Variants in CFAP299 observed in about 807,000 individuals in gnomAD.
The protein encoded by CFAP299 is cilia and flagella associated protein 299, also known as cilia- and flagella-associated protein 299.
A neutral mutation model predicts 27.0 loss-of-function variants in CFAP299; 21 were observed. The ratio of observed to expected loss-of-function variants is 0.78; its 90% CI spans 0.55 to 1.12. The LOEUF (loss-of-function observed/expected upper bound fraction) is 1.12, where lower values mean the gene tolerates loss of function less well. CFAP299 is among the 50% of genes most tolerant of loss of function. The probability of loss-of-function intolerance (pLI) is 0.00; values close to 1 mark genes in which losing one functional copy is unlikely to be tolerated. For synonymous variants in CFAP299, 104 were observed against 98.1 expected (o/e 1.06, Z -0.36); for missense variants, 310 against 276.6 (o/e 1.12, Z -0.86).
chr4:80,349,204 G>A (rs1722904324), intron 1 of CFAP299, among the ~76,000 whole-genome samples: 1 of 152,162 alleles, frequency 6.6e-6, no homozygotes, highest in Non-Finnish European at 1.5e-5. Flanking sequence ...GCTTAAGGAA[G>A]AGAGCCTCCA....
intron 3 of CFAP299, among the ~76,000 whole-genome samples, chr4:80,628,328 C>A (rs1468241116): frequency 6.6e-6 from 1 of 151,986 alleles, no homozygotes; most frequent in African/African-American, 2.4e-5. Context: ...ATATAAAAAT[C>A]AACTTAAAAT....
intron 3 of CFAP299, among the ~76,000 whole-genome samples, chr4:80,699,645 A>G (rs967963289): frequency 2.0e-5 from 3 of 152,168 alleles, no homozygotes; most frequent in Admixed American, 6.6e-5. Flanking sequence ...CTCAGCTCCT[A>G]TAACTAGGGC....
intron 2 of CFAP299, among the ~76,000 whole-genome samples, chr4:80,437,754 T>C (rs1728163711): frequency 1.3e-5 from 2 of 152,206 alleles, no homozygotes; most frequent in Admixed American, 6.5e-5. Flanking sequence ...AAGAGACCCA[T>C]GGAGAATTGC....
At chr4:80,675,780 G>T (rs1489454970) in intron 3 of CFAP299, among the ~76,000 whole-genome samples, 1 of 152,230 alleles carries the variant, frequency 6.6e-6, no homozygotes, top group Non-Finnish European at 1.5e-5. Flanking sequence ...CTGCTGCCTT[G>T]CAGGTCAATC....
chr4:80,793,642 C>T (rs1439345240), intron 3 of CFAP299, among the ~76,000 whole-genome samples: 1 of 152,136 alleles, frequency 6.6e-6, no homozygotes, highest in East Asian at 1.9e-4. Context: ...ACCAGAAACA[C>T]ACCAAATCCC....
intron 2 of CFAP299, among the ~76,000 whole-genome samples, chr4:80,392,982 T>G (rs1043736663): frequency 1.3e-5 from 2 of 152,174 alleles, no homozygotes; most frequent in African/African-American, 4.8e-5. Context: ...TCATAGGAGA[T>G]GACAGCTCTA....
chr4:80,669,319 T>C (rs535135981), intron 3 of CFAP299, among the ~76,000 whole-genome samples: 43 of 151,760 alleles, frequency 2.8e-4, no homozygotes, highest in Non-Finnish European at 5.7e-4. Flanking sequence ...GCCTGGCTAA[T>C]CTTTTGTAAT....
intron 3 of CFAP299, among the ~76,000 whole-genome samples, chr4:80,810,783 C>G (rs549261521): frequency 1.1e-4 from 17 of 152,170 alleles, no homozygotes; most frequent in Non-Finnish European, 2.2e-4. Flanking sequence ...ATAGCAGGCT[C>G]AGGAAACGAA....
At chr4:80,957,452 G>C (rs1191733982) in intron 5 of CFAP299, among the ~76,000 whole-genome samples, 1 of 152,120 alleles carries the variant, frequency 6.6e-6, no homozygotes, top group East Asian at 1.9e-4. Context: ...CACAGATATA[G>C]AGTGAATATA....
intron 2 of CFAP299, among the ~76,000 whole-genome samples, chr4:80,459,024 C>T (rs377354523): frequency 1.3e-4 from 19 of 151,882 alleles, no homozygotes; most frequent in African/African-American, 3.4e-4. Context: ...TCTATCATTC[C>T]GGCTGGAGTG....
intron 2 of CFAP299, among the ~76,000 whole-genome samples, chr4:80,457,375 T>A (rs35220988): frequency 0.13 from 20,008 of 152,132 alleles, 1,652 homozygotes; most frequent in African/African-American, 0.23. Flanking sequence ...AAATAGGTTA[T>A]CATGTTATGT....
chr4:80,838,972 G>A (rs1053643858), intron 3 of CFAP299, among the ~76,000 whole-genome samples: 7 of 151,976 alleles, frequency 4.6e-5, no homozygotes, highest in East Asian at 3.9e-4. Context: ...TGGACTGATC[G>A]TCCTAGACAA....
intron 2 of CFAP299, among the ~76,000 whole-genome samples, chr4:80,467,973 C>T (rs187356429): frequency 7.0e-4 from 106 of 152,250 alleles, no homozygotes; most frequent in African/African-American, 2.5e-3. Context: ...ATCTAATCAC[C>T]TCTCATCAAG....
intron 3 of CFAP299, among the ~76,000 whole-genome samples, chr4:80,669,247 A>G (rs1271591009): frequency 7.9e-6 from 1 of 126,824 alleles, no homozygotes; most frequent in Non-Finnish European, 1.6e-5. Flanking sequence ...TGCAACCCCC[A>G]CCTCCCAGGT....
chr4:80,419,032 T>C (rs1727158414), intron 2 of CFAP299, among the ~76,000 whole-genome samples: 2 of 152,134 alleles, frequency 1.3e-5, no homozygotes, highest in Admixed American at 1.3e-4. Context: ...CAAATCTATA[T>C]CCATACAGGT....
chr4:80,511,780 T>C (rs72874083), intron 2 of CFAP299, among the ~76,000 whole-genome samples: 17,073 of 152,138 alleles, frequency 0.11, 1,061 homozygotes, highest in African/African-American at 0.15. Flanking sequence ...CTTTTTATCT[T>C]TTAATGATAT....
chr4:80,782,081 A>G (rs1726912259), intron 3 of CFAP299, among the ~76,000 whole-genome samples: 2 of 152,182 alleles, frequency 1.3e-5, no homozygotes, highest in Admixed American at 1.3e-4. Context: ...CTTTTAGCCT[A>G]TGTGTTCAGA....
chr4:80,646,618 G>A (rs947027895), intron 3 of CFAP299, among the ~76,000 whole-genome samples: 2 of 152,002 alleles, frequency 1.3e-5, no homozygotes, highest in Admixed American at 6.6e-5. Context: ...AGAAAACAAG[G>A]TCATGTATCA....
chr4:80,677,906 T>C (rs1471492608), intron 3 of CFAP299, among the ~76,000 whole-genome samples: 1 of 152,078 alleles, frequency 6.6e-6, no homozygotes, highest in Non-Finnish European at 1.5e-5. Flanking sequence ...CAAGCCAAAA[T>C]TGTTTTCAGG....
Sources: allele counts gnomAD v4.1 joint callset (sites outside exome capture counted in the v4.1 genomes callset), GRCh38; gene constraint gnomAD v4.1.1; transcripts MANE v1.5; gene names NCBI Gene and HGNC (gene_info 2026-07-23, HGNC 2026-07-21).